Variants in TSPEAR observed in about 807,000 individuals in gnomAD.
The protein encoded by TSPEAR is thrombospondin-type laminin G domain and EAR repeat-containing protein.
In TSPEAR, 69 loss-of-function variants were observed where a neutral mutation model predicts 71.6. That is an observed-to-expected ratio of 0.96 (90% CI 0.79 to 1.18). The LOEUF is 1.18. Among genes scored for constraint, TSPEAR ranks in the 50% most tolerant of loss-of-function variants. The pLI is 0.00. For missense variants in TSPEAR, 971 were observed against 894.9 expected, an observed-to-expected ratio of 1.09 and a Z score of -1.09; for synonymous variants, 402 against 387.2, an observed-to-expected ratio of 1.04 and a Z score of -0.45.
intron 1 of TSPEAR, among the ~76,000 whole-genome samples, chr21:44,670,882 C>A (rs1365748649): frequency 6.6e-6 from 1 of 152,216 alleles, no homozygotes; most frequent in African/African-American, 2.4e-5. Context: ...AAGAGGGCTG[C>A]AGGAGTGCAA....
chr21:44,514,732 C>T (rs2145938432), intron 9 of TSPEAR, among the ~76,000 whole-genome samples: 1 of 152,286 alleles, frequency 6.6e-6, no homozygotes, highest in Admixed American at 6.5e-5. Context: ...TGGGGAGGCC[C>T]AGTCATTGGA....
chr21:44,519,028 TTG>T (rs1555913921), intron 9 of TSPEAR: 13 of 178,540 alleles, frequency 7.3e-5, no homozygotes, highest in South Asian at 1.1e-4. Flanking sequence ...TTTGCTTTTG[TTG>T]TTTTTTTTTT....
intron 8 of TSPEAR, among the ~76,000 whole-genome samples, chr21:44,524,120 TAGTCAGTC>T (rs587607015): frequency 7.1e-6 from 1 of 141,440 alleles, no homozygotes; most frequent in Non-Finnish European, 1.5e-5. Context: ...GTCAGTCAGA[TAGTCAGTC>T]AGTCAGTGAG....
intron 1 of TSPEAR, chr21:44,698,135 C>T (rs1236090587): frequency 3.0e-6 from 2 of 674,624 alleles, no homozygotes; most frequent in African/African-American, 1.8e-5. Context: ...ACCCTGCCTC[C>T]ACCCACTCCC....
chr21:44,601,095 C>A, intron 1 of TSPEAR: 1 of 1,602,698 alleles, frequency 6.2e-7, no homozygotes, highest in South Asian at 1.1e-5. Context: ...GCTGTGTGCC[C>A]ATCTGCTGCA....
intron 1 of TSPEAR, among the ~76,000 whole-genome samples, chr21:44,651,233 C>G (rs186449665): frequency 6.6e-6 from 1 of 152,238 alleles, no homozygotes; most frequent in African/African-American, 2.4e-5. Flanking sequence ...AGAGAGGAGA[C>G]TTGTCTCTCC....
chr21:44,711,422 C>G lies in TSPEAR; in HGVS notation c.82+11G>C. 6.3e-7 allele frequency: 1 copy of G among 1,587,900 alleles called. No individual in the cohort carries two copies. Among genetic ancestry groups the G allele is most frequent in the Non-Finnish European group, 8.6e-7 (1 of 1,167,612 alleles). Reference sequence around the variant, plus strand: ...GATACCCCCGCCCGAGTTCCCATGCCCCTGCCTTACCTGTGCAGGGCTCCC... The same window carrying G: ...GATACCCCCGCCCGAGTTCCCATGCGCCTGCCTTACCTGTGCAGGGCTCCC... On this transcript the variant is annotated intron_variant, in intron 1 of 11. Transcript: ENST00000323084. This position sits in a 1 kb window ranked among gnomAD's most constrained non-coding sequence, Gnocchi z 4.5.
Position 44,548,545 on chromosome 21 carries a change from AGAACACGT to A in TSPEAR, c.304-14630_304-14623del, listed in dbSNP as rs587597644. ...GACCACGTCCAAACCAGAGGGTGGGAGAACACGTGAACACGTGAACATGAGTGCAGATG... is the reference window on the plus strand; with the variant it reads ...GACCACGTCCAAACCAGAGGGTGGGAGAACACGTGAACATGAGTGCAGATG... On this transcript the variant is annotated intron_variant, in intron 2 of 11. Coordinates refer to ENST00000323084, the MANE Select transcript of TSPEAR (RefSeq NM_144991.3). Among the ~76,000 whole-genome samples the A allele has an allele frequency of 4.3e-3, 651 of 152,344 alleles. 3 individuals carry two copies. Among genetic ancestry groups the A allele is most frequent in the Middle Eastern group, 0.027 (8 of 294 alleles).
chr21:44,676,721 C>T (rs1986329032), intron 1 of TSPEAR: 1 of 777,364 alleles, frequency 1.3e-6, no homozygotes, highest in Admixed American at 1.7e-5. Flanking sequence ...TTCTCCATGG[C>T]ATCTCTGACT....
chr21:44,623,408 A>T lies in TSPEAR; in HGVS notation c.83-55403T>A, dbSNP rs1982573506. Among the ~76,000 whole-genome samples the T allele has an allele frequency of 6.6e-6, 1 of 152,178 alleles. No individual in the cohort carries two copies. The highest frequency in any genetic ancestry group is 2.1e-4 in the South Asian group (1 of 4,832). On this transcript the variant is annotated intron_variant, in intron 1 of 11. Coordinates refer to ENST00000323084, the MANE Select transcript of TSPEAR (RefSeq NM_144991.3). This position sits in a 1 kb window ranked among gnomAD's most constrained non-coding sequence, Gnocchi z 4.5. ...TTAACTTCATGTAGCCCCCTCCTGA[A>T]TTTTGTGATCTTCTTGCCATGTATT...
At chr21:44,550,770 G>C (rs199982125) in intron 2 of TSPEAR, 60 of 1,614,100 alleles carry the variant, frequency 3.7e-5, no homozygotes, top group Admixed American at 5.0e-5. Flanking sequence ...GAGGGACACA[G>C]AGGAGGAGGG....
chr21:44,626,428 G>A (rs1982783428), intron 1 of TSPEAR, among the ~76,000 whole-genome samples: 7 of 152,238 alleles, frequency 4.6e-5, no homozygotes, highest in Admixed American at 4.6e-4. Context: ...GATGGCTCCA[G>A]CAGTGGCGAG....
intron 2 of TSPEAR, chr21:44,538,957 C>A (rs1246315437): frequency 6.5e-6 from 3 of 464,628 alleles, no homozygotes; most frequent in African/African-American, 5.8e-5. Flanking sequence ...CATGTGTCCC[C>A]CAGGAACACA....
At chr21:44,604,720 G>A (rs1482320430) in intron 1 of TSPEAR, among the ~76,000 whole-genome samples, 1 of 152,184 alleles carries the variant, frequency 6.6e-6, no homozygotes, top group Admixed American at 6.5e-5. Context: ...CATCAGCTGT[G>A]GGCTTGTTGC....
intron 3 of TSPEAR, 60 bp downstream of exon 3, chr21:44,533,625 A>G: frequency 7.1e-7 from 1 of 1,412,880 alleles, no homozygotes; most frequent in Non-Finnish European, 9.8e-7. Context: ...CGGCTGAAGG[A>G]TGCCTGGCCT....
intron 1 of TSPEAR, among the ~76,000 whole-genome samples, chr21:44,646,142 A>G (rs1555939596): frequency 3.4e-5 from 5 of 147,402 alleles, no homozygotes; most frequent in African/African-American, 1.1e-4. Flanking sequence ...AAAAAAAAAA[A>G]AAAAAAAAAA....
chr21:44,629,009 A>T (rs1555935249), intron 1 of TSPEAR, among the ~76,000 whole-genome samples: 1 of 152,070 alleles, frequency 6.6e-6, no homozygotes, highest in Non-Finnish European at 1.5e-5. Context: ...ACAGTGTGGG[A>T]ATGTGTCCAG....
chr21:44,553,177 C>T (rs587641882), intron 2 of TSPEAR, among the ~76,000 whole-genome samples: 1 of 152,314 alleles, frequency 6.6e-6, no homozygotes, highest in East Asian at 1.9e-4. Flanking sequence ...CACTGAATTT[C>T]GGCATTAACT....
At chr21:44,656,981 T>A (rs1211708076) in intron 1 of TSPEAR, among the ~76,000 whole-genome samples, 3 of 152,164 alleles carry the variant, frequency 2.0e-5, no homozygotes, top group Admixed American at 1.3e-4. Flanking sequence ...TGCTTGGTTC[T>A]TGGGTCCTCA....
Sources: gnomAD v4.1 joint callset for allele counts (sites outside exome capture counted in the v4.1 genomes callset) on GRCh38, gnomAD v4.1.1 for gene constraint, Gnocchi (gnomAD v3.1) non-coding constraint, MANE v1.5 for transcripts, NCBI Gene and HGNC (gene_info 2026-07-23, HGNC 2026-07-21) for gene names.